The following RPH3A variants were observed in gnomAD, a reference collection of about 807,000 sequenced individuals.
The protein encoded by RPH3A is rabphilin 3A, also known as rabphilin-3A.
In RPH3A, 48 loss-of-function variants were observed where a neutral mutation model predicts 102.2. The observed-to-expected ratio is 0.47, with a 90% CI of 0.37 to 0.60. The LOEUF (loss-of-function observed/expected upper bound fraction) is 0.60, where lower values mean the gene tolerates loss of function less well. RPH3A is among the 20% of genes least tolerant of loss of function. RPH3A has a pLI of 0.00. For synonymous variants in RPH3A, 310 were observed against 324.3 expected (o/e 0.96, Z 0.47); for missense variants, 781 against 910.1 (o/e 0.86, Z 1.83).
At chr12:112,647,770 G>A (rs1220752160) in intron 1 of RPH3A, among the ~76,000 whole-genome samples, 1 of 152,184 alleles carries the variant, frequency 6.6e-6, no homozygotes. Flanking sequence ...AGGTGCAAAG[G>A]CCCTGAGGCA....
At chr12:112,669,119 G>T (rs1382276118) in intron 1 of RPH3A, among the ~76,000 whole-genome samples, 1 of 152,188 alleles carries the variant, frequency 6.6e-6, no homozygotes, top group African/African-American at 2.4e-5. Context: ...TCAAGAGTAA[G>T]AGGTCATTGG....
chr12:112,896,516 C>T, intron 21 of RPH3A, 134 bp from the exon 22 acceptor site: 5 of 1,000,666 alleles, frequency 5.0e-6, no homozygotes, highest in Non-Finnish European at 7.4e-6. Flanking sequence ...AACGTTATAA[C>T]AACTCTCTAT....
At chr12:112,798,848 C>G (rs948059476) in intron 2 of RPH3A, among the ~76,000 whole-genome samples, 2 of 152,078 alleles carry the variant, frequency 1.3e-5, no homozygotes, top group Non-Finnish European at 2.9e-5. Context: ...TCCCTCTCTC[C>G]CTTTCTCTCT....
chr12:112,618,796 G>T (rs755216541), intron 1 of RPH3A, among the ~76,000 whole-genome samples: 5 of 152,126 alleles, frequency 3.3e-5, no homozygotes, highest in African/African-American at 4.8e-5. Flanking sequence ...ATCTCCACAC[G>T]TAATTTTAGA....
intron 3 of RPH3A, among the ~76,000 whole-genome samples, chr12:112,831,466 G>C (rs931820618): frequency 1.3e-5 from 2 of 151,782 alleles, no homozygotes; most frequent in Admixed American, 1.3e-4. Context: ...TCTTAATTCC[G>C]ACCCTCCTTA....
intron 1 of RPH3A, among the ~76,000 whole-genome samples, chr12:112,674,125 A>G (rs1230348792): frequency 6.6e-6 from 1 of 152,126 alleles, no homozygotes; most frequent in Non-Finnish European, 1.5e-5. Context: ...TGGCACGATC[A>G]TAGCTCACTG....
chr12:112,867,465 G>A (rs144632026), intron 7 of RPH3A, among the ~76,000 whole-genome samples: 102 of 152,236 alleles, frequency 6.7e-4, no homozygotes, highest in African/African-American at 2.2e-3. Context: ...TCTGTCAGGG[G>A]CCTGGCAGGA....
chr12:112,714,329 G>C (rs1166905084), intron 1 of RPH3A, among the ~76,000 whole-genome samples: 1 of 152,164 alleles, frequency 6.6e-6, no homozygotes, highest in Non-Finnish European at 1.5e-5. Context: ...GCGAGGAGCT[G>C]ATGCACACAG....
intron 1 of RPH3A, among the ~76,000 whole-genome samples, chr12:112,701,618 C>T (rs1444006275): frequency 6.6e-6 from 1 of 152,118 alleles, no homozygotes; most frequent in Non-Finnish European, 1.5e-5. Flanking sequence ...TGGGTTATTT[C>T]AATCTTATAT....
At position 112,581,920 on chromosome 12, in the gene RPH3A, T is replaced by C. The variant is rs888594152; in HGVS notation, c.-140+6601T>C. ...GTTGAGTAAGACGTTTTGGACCAGA[T>C]GACCTCTAATGTTTTTCCCAGATCT... is the stretch of plus-strand genomic sequence containing the variant. On this transcript the variant is annotated intron_variant, in intron 1 of 21. Coordinates refer to the RPH3A transcript ENST00000543106. Among the ~76,000 whole-genome samples the C allele has an allele frequency of 2.7e-5, 4 of 147,804 alleles. 1 individual carries two copies. Among genetic ancestry groups the C allele is most frequent in the African/African-American group, 1.0e-4 (4 of 39,818 alleles).
chr12:112,815,948 G>T (rs2041664070), intron 2 of RPH3A, among the ~76,000 whole-genome samples: 2 of 152,172 alleles, frequency 1.3e-5, no homozygotes, highest in African/African-American at 4.8e-5. Flanking sequence ...ACCATGCAGG[G>T]AGCCCTGAAG....
intron 2 of RPH3A, among the ~76,000 whole-genome samples, chr12:112,808,273 C>T (rs1049031997): frequency 6.6e-6 from 1 of 152,186 alleles, no homozygotes; most frequent in South Asian, 2.1e-4. Flanking sequence ...TTTATGAAAC[C>T]AGCTCTGCAG....
At chr12:112,847,622 A>G in intron 4 of RPH3A, 74 bp from the exon 5 acceptor site, 7 of 1,513,688 alleles carry the variant, frequency 4.6e-6, no homozygotes, top group South Asian at 2.5e-5. Context: ...AGTTTCCCAG[A>G]CAGTGAGTTT....
intron 8 of RPH3A, 161 bp downstream of exon 8, chr12:112,868,756 C>T: frequency 1.4e-6 from 1 of 711,164 alleles, no homozygotes; most frequent in Admixed American, 3.0e-5. Context: ...CAGAGTTCAC[C>T]ATAAATCGTT....
At chr12:112,732,715 G>A (rs12306352) in intron 1 of RPH3A, among the ~76,000 whole-genome samples, 2,364 of 152,262 alleles carry the variant, frequency 0.016, 66 homozygotes, top group African/African-American at 0.053. Context: ...GGTGTCCTGA[G>A]TTGGTTCAAT....
At chr12:112,714,527 G>A (rs2040501549) in intron 1 of RPH3A, among the ~76,000 whole-genome samples, 1 of 152,150 alleles carries the variant, frequency 6.6e-6, no homozygotes, top group East Asian at 1.9e-4. Flanking sequence ...GGCTGAAGGG[G>A]GATAGCTATA....
chr12:112,661,009 C>T (rs370421112), intron 1 of RPH3A, among the ~76,000 whole-genome samples: 14 of 152,268 alleles, frequency 9.2e-5, no homozygotes, highest in South Asian at 6.2e-4. Flanking sequence ...CATTCCATCA[C>T]GGGCTCACTT....
At chr12:112,818,034 C>T (rs1348477607) in intron 2 of RPH3A, among the ~76,000 whole-genome samples, 4 of 152,078 alleles carry the variant, frequency 2.6e-5, no homozygotes, top group African/African-American at 7.2e-5. Flanking sequence ...AACAAAAGGC[C>T]GGGCATGGTG....
intron 1 of RPH3A, among the ~76,000 whole-genome samples, chr12:112,638,526 T>C (rs771795315): frequency 6.6e-6 from 1 of 152,234 alleles, no homozygotes; most frequent in Non-Finnish European, 1.5e-5. Flanking sequence ...TGCCAAAATG[T>C]GTTCTATGGA....
Sources: allele counts gnomAD v4.1 joint callset (sites outside exome capture counted in the v4.1 genomes callset), GRCh38; gene constraint gnomAD v4.1.1; transcripts MANE v1.5; gene names NCBI Gene and HGNC (gene_info 2026-07-23, HGNC 2026-07-21).